The following CCM2 variants were observed in gnomAD, a reference collection of about 807,000 sequenced individuals.
The protein encoded by CCM2 is cerebral cavernous malformations 2 protein.
In CCM2, 25 loss-of-function variants were observed where a neutral mutation model predicts 44.9. That is an observed-to-expected ratio of 0.56 (90% CI 0.41 to 0.78). The LOEUF (loss-of-function observed/expected upper bound fraction) is 0.78, where lower values mean the gene tolerates loss of function less well. Ranked by LOEUF, CCM2 falls within the 30% of genes least tolerant of loss-of-function variation. The probability of loss-of-function intolerance (pLI) is 0.00; values close to 1 mark genes in which losing one functional copy is unlikely to be tolerated. For synonymous variants in CCM2, 219 were observed against 241.1 expected, an observed-to-expected ratio of 0.91 and a Z score of 0.85; for missense variants, 481 against 580.6, an observed-to-expected ratio of 0.83 and a Z score of 1.76.
chr7:45,033,126 G>A (rs1424437138), intron 1 of CCM2, among the ~76,000 whole-genome samples: 1 of 148,754 alleles, frequency 6.7e-6, no homozygotes, highest in Non-Finnish European at 1.5e-5. Context: ...GAATTGATGT[G>A]ATGCTTGGGC....
At chr7:45,006,810 A>G (rs1795865207) in intron 1 of CCM2, among the ~76,000 whole-genome samples, 1 of 152,230 alleles carries the variant, frequency 6.6e-6, no homozygotes, top group Admixed American at 6.5e-5. Flanking sequence ...GAGAGACCTC[A>G]GGAGAAACCA....
At chr7:45,075,118 C>T (rs558201859) in intron 9 of CCM2, among the ~76,000 whole-genome samples, 28 of 152,238 alleles carry the variant, frequency 1.8e-4, no homozygotes, top group Admixed American at 7.9e-4. Context: ...CTCTTAGGAG[C>T]GTGAAGGGCT....
At chr7:45,000,805 C>T (rs186035837) in intron 1 of CCM2, among the ~76,000 whole-genome samples, 292 of 152,336 alleles carry the variant, frequency 1.9e-3, no homozygotes, top group Non-Finnish European at 3.4e-3. Flanking sequence ...CACTCGTCCA[C>T]TATCACTCAG....
intron 1 of CCM2, among the ~76,000 whole-genome samples, chr7:45,002,270 T>G (rs993353271): frequency 2.0e-5 from 3 of 152,232 alleles, no homozygotes; most frequent in Non-Finnish European, 4.4e-5. Flanking sequence ...CTAAGTTAGC[T>G]TCTTCAAAAA....
chr7:45,003,197 T>G (rs1795716162), intron 1 of CCM2, among the ~76,000 whole-genome samples: 1 of 152,068 alleles, frequency 6.6e-6, no homozygotes, highest in Non-Finnish European at 1.5e-5. Flanking sequence ...TGCCTCAGCC[T>G]CCCGAGTAGC....
chr7:45,073,215 C>T (rs1370657448), intron 7 of CCM2: 1 of 592,288 alleles, frequency 1.7e-6, no homozygotes, highest in South Asian at 1.9e-5. Flanking sequence ...ACTGCCTTGA[C>T]CTGTGTACTC....
intron 1 of CCM2, among the ~76,000 whole-genome samples, chr7:45,000,671 G>C (rs1795574273): frequency 2.0e-5 from 3 of 152,264 alleles, no homozygotes; most frequent in Non-Finnish European, 4.4e-5. Context: ...GGGCCAGAAA[G>C]CTGTCCAGGG....
chr7:45,028,122 G>T (rs1037646495), intron 1 of CCM2, among the ~76,000 whole-genome samples: 1 of 152,182 alleles, frequency 6.6e-6, no homozygotes, highest in Non-Finnish European at 1.5e-5. Flanking sequence ...TTTTCCTATG[G>T]ATTTGTGGTC....
chr7:45,000,444 C>T (rs1241612149), intron 1 of CCM2, 81 bp downstream of exon 1: 2 of 121,480 alleles, frequency 1.6e-5, no homozygotes, highest in Non-Finnish European at 2.6e-5. Flanking sequence ...GGCGGGTGTT[C>T]CTTGGGGCCC....
intron 8 of CCM2, 79 bp downstream of exon 8, chr7:45,073,650 G>A: frequency 9.7e-7 from 1 of 1,031,938 alleles, no homozygotes; most frequent in Non-Finnish European, 1.5e-6. Flanking sequence ...GGGAGGAGGA[G>A]GAGGAGCAGT....
At chr7:45,074,005 G>C (rs1449890096) in intron 8 of CCM2, 7 of 663,036 alleles carry the variant, frequency 1.1e-5, no homozygotes, top group Non-Finnish European at 1.7e-5. Flanking sequence ...ACCCTGCCCT[G>C]CTGGCTCCTG....
intron 1 of CCM2, among the ~76,000 whole-genome samples, chr7:45,025,704 TTG>T (rs569540892): frequency 1.2e-3 from 184 of 152,334 alleles, no homozygotes; most frequent in African/African-American, 4.1e-3. Context: ...CCAGCTAATT[TTG>T]TGTTTTTGGT....
chr7:45,023,723 C>CT (rs368536421), intron 1 of CCM2, among the ~76,000 whole-genome samples: 2,991 of 77,884 alleles, frequency 0.038, 53 homozygotes, highest in Middle Eastern at 0.059. Flanking sequence ...ACTGGGAAAT[C>CT]TTTTTTTTTT....
intron 2 of CCM2, among the ~76,000 whole-genome samples, chr7:45,050,090 T>A (rs1797932788): frequency 6.6e-6 from 1 of 152,256 alleles, no homozygotes; most frequent in South Asian, 2.1e-4. Context: ...GTGACATAGC[T>A]GTCTTAACAT....
chr7:45,069,856 G>T lies in CCM2; in HGVS notation c.640G>T (p.Gly214Cys). The T allele has an allele frequency of 6.2e-7, 1 of 1,614,218 alleles. No homozygotes were observed. Among genetic ancestry groups the T allele is most frequent in the Non-Finnish European group, 8.5e-7 (1 of 1,180,048 alleles). Reference sequence around the variant, plus strand: ...TGCGGAGGAGCTTTGCTGTCTGCTAGGCCAGGTCTTCCAGGTTGTTTACAC... The same window carrying T: ...TGCGGAGGAGCTTTGCTGTCTGCTATGCCAGGTCTTCCAGGTTGTTTACAC... ...VAAEELCCLL[G>C]QVFQVVYTES... The change falls in exon 6 of 10, where the codon GGC becomes TGC. Residue 214 changes from glycine to cysteine, a missense_variant. By Grantham distance (159) the Gly-to-Cys change is radical (BLOSUM62 -3). Coordinates refer to ENST00000258781, the MANE Select transcript of CCM2 (RefSeq NM_031443.4).
At chr7:45,014,724 C>T (rs1308940559) in intron 1 of CCM2, among the ~76,000 whole-genome samples, 1 of 150,330 alleles carries the variant, frequency 6.7e-6, no homozygotes, top group Non-Finnish European at 1.5e-5. Context: ...TGGGTTTAAG[C>T]GATTCTCCTG....
chr7:45,075,313 A>G lies in CCM2; in HGVS notation c.1055-464A>G, dbSNP rs112589870. 7.2e-3 allele frequency among the ~76,000 whole-genome samples: 1,094 copies of G among 152,348 alleles called. 10 individuals are homozygous for G. The highest frequency in any genetic ancestry group is 0.011 in the Non-Finnish European group (734 of 68,026). On this transcript the variant is annotated intron_variant, in intron 9 of 9. Coordinates refer to ENST00000258781, the MANE Select transcript of CCM2 (RefSeq NM_031443.4). ...GGCAGCCCTCTGAGTTGGGACAGTC[A>G]CCTAGGTCATGGCAGGGAAACTGGA...
intron 2 of CCM2, among the ~76,000 whole-genome samples, chr7:45,061,498 T>C (rs2128745798): frequency 6.7e-6 from 1 of 149,224 alleles, no homozygotes; most frequent in South Asian, 2.1e-4. Context: ...GAGCCCTTTA[T>C]ATGTTGGTTG....
At chr7:45,064,380 G>C (rs1270766798) in intron 3 of CCM2, 83 bp from the exon 4 acceptor site, 3 of 1,371,160 alleles carry the variant, frequency 2.2e-6, no homozygotes, top group Non-Finnish European at 3.1e-6. Context: ...TGTGACATCG[G>C]CCAGCACAAT....
Sources: gnomAD v4.1 joint callset for allele counts (sites outside exome capture counted in the v4.1 genomes callset) on GRCh38, gnomAD v4.1.1 for gene constraint, MANE v1.5 for transcripts, NCBI Gene and HGNC (gene_info 2026-07-23, HGNC 2026-07-21) for gene names.